Variants in DCUN1D3 observed in about 807,000 individuals in gnomAD.
DCUN1D3 encodes defective in cullin neddylation 1 domain containing 3, also known as DCN1-like protein 3.
In DCUN1D3, 6 loss-of-function variants were observed where a neutral mutation model predicts 24.8. That is an observed-to-expected ratio of 0.24 (90% CI 0.13 to 0.48). The LOEUF (loss-of-function observed/expected upper bound fraction) is 0.48, where lower values mean the gene tolerates loss of function less well. DCUN1D3 is among the 20% of genes least tolerant of loss of function. DCUN1D3 has a pLI of 0.99. For missense variants in DCUN1D3, 258 were observed against 379.4 expected (o/e 0.68, Z 2.66); for synonymous variants, 120 against 144.9 (o/e 0.83, Z 1.24).
intron 1 of DCUN1D3, among the ~76,000 whole-genome samples, chr16:20,865,089 T>A (rs1312910262): frequency 1.3e-5 from 2 of 151,472 alleles, no homozygotes; most frequent in Non-Finnish European, 2.9e-5. Flanking sequence ...CAAACCCCCA[T>A]GACACATGTT....
At chr16:20,894,901 T>C (rs2081908560) in intron 1 of DCUN1D3, among the ~76,000 whole-genome samples, 1 of 152,226 alleles carries the variant, frequency 6.6e-6, no homozygotes, top group Non-Finnish European at 1.5e-5. Context: ...AATAAGAGTT[T>C]GAGCCACTTC....
At position 20,885,210 on chromosome 16, in the gene DCUN1D3, G is replaced by A. The variant is rs568328359; in HGVS notation, c.-106+14994C>T. Among the ~76,000 whole-genome samples, 9 of 152,000 alleles carry A rather than the reference G, an allele frequency of 5.9e-5. No homozygotes were observed. The East Asian group carries it at 1.5e-3, about 26-fold the overall frequency. On this transcript the variant is annotated intron_variant, in intron 1 of 2. Transcript: ENST00000324344. Reference sequence around the variant, plus strand: ...AGGATGGTCTCCATCTCTTTACCTCGTGATTCCGCCCGCCTCAGTCTCCCA... The same window carrying A: ...AGGATGGTCTCCATCTCTTTACCTCATGATTCCGCCCGCCTCAGTCTCCCA...
intron 1 of DCUN1D3, among the ~76,000 whole-genome samples, chr16:20,882,345 C>T (rs1380902013): frequency 2.0e-5 from 3 of 151,812 alleles, no homozygotes; most frequent in South Asian, 2.1e-4. Context: ...CTCCACCTCC[C>T]GGGTTCAAGC....
intron 1 of DCUN1D3, among the ~76,000 whole-genome samples, chr16:20,889,937 G>C (rs891156408): frequency 6.6e-6 from 1 of 152,094 alleles, no homozygotes; most frequent in African/African-American, 2.4e-5. Context: ...AATCACCAAT[G>C]GTCAATGATC....
Position 20,860,313 on chromosome 16 carries a change from C to G in DCUN1D3, c.488G>C (p.Cys163Ser), listed in dbSNP as rs770510257. 3.1e-6 allele frequency: 5 copies of G among 1,614,180 alleles called. No individual in the cohort carries two copies. In the South Asian group the frequency reaches 3.3e-5, roughly 11 times the overall value. The change falls in exon 3 of 3, where the codon TGT becomes TCT. Residue 163 changes from cysteine to serine, a missense_variant. By Grantham distance (112) the Cys-to-Ser change is moderately radical (BLOSUM62 -1). Coordinates refer to ENST00000324344, the MANE Select transcript of DCUN1D3 (RefSeq NM_173475.4). This position sits in a 1 kb window ranked among gnomAD's most constrained non-coding sequence, Gnocchi z 4.3. ...TGTTAAGAGGCTAGGGAACCGTGCA[C>G]AGATTCCGTCAATGCTGTCTGCACT... is the stretch of plus-strand genomic sequence containing the variant. Reference protein sequence around the residue: ...AISADSIDGICARFPSLLTEA... With the variant: ...AISADSIDGISARFPSLLTEA...
chr16:20,859,584 A>C lies in DCUN1D3; in HGVS notation c.*302T>G. On this transcript the variant is annotated 3_prime_UTR_variant, in exon 3 of 3. Coordinates refer to ENST00000324344, the MANE Select transcript of DCUN1D3 (RefSeq NM_173475.4). ...ACAAAAAAAAACAAAAAAAAAACCT[A>C]AATTTGTGCAAGAAATGGCAGGCTT... The C allele has an allele frequency of 3.8e-6, 1 of 261,924 alleles. No homozygotes were observed. The highest frequency in any genetic ancestry group is 7.0e-6 in the Non-Finnish European group (1 of 142,258). 16.2% of individuals were successfully genotyped at this position (261,924 alleles called of 1,614,324 possible).
chr16:20,877,571 G>A (rs980368727), intron 1 of DCUN1D3, among the ~76,000 whole-genome samples: 4 of 152,182 alleles, frequency 2.6e-5, no homozygotes, highest in Non-Finnish European at 5.9e-5. Context: ...CACTGATACT[G>A]AGCACATGCT....
intron 1 of DCUN1D3, among the ~76,000 whole-genome samples, chr16:20,877,002 G>C (rs1365278205): frequency 6.6e-6 from 1 of 152,136 alleles, no homozygotes; most frequent in Non-Finnish European, 1.5e-5. Flanking sequence ...GGTACAAACA[G>C]AAGTAAGACC....
At chr16:20,861,344 C>T (rs1259936009) in intron 2 of DCUN1D3, among the ~76,000 whole-genome samples, 1 of 150,868 alleles carries the variant, frequency 6.6e-6, no homozygotes, top group Non-Finnish European at 1.5e-5. Flanking sequence ...CCCAGAGGCA[C>T]TTACCATATT....
intron 1 of DCUN1D3, among the ~76,000 whole-genome samples, chr16:20,899,136 C>T (rs2081940840): frequency 6.6e-6 from 1 of 152,136 alleles, no homozygotes; most frequent in South Asian, 2.1e-4. Flanking sequence ...CATAAAAGAG[C>T]TATTGTCCAA....
intron 1 of DCUN1D3, among the ~76,000 whole-genome samples, chr16:20,889,481 C>T (rs369259860): frequency 6.6e-6 from 1 of 152,070 alleles, no homozygotes; most frequent in East Asian, 1.9e-4. Flanking sequence ...TTCAAGAATA[C>T]TGACTATTCT....
In DCUN1D3 at chr16:20,881,843, C is replaced by T. The variant is rs142328571; in HGVS notation, c.-106+18361G>A. Among the ~76,000 whole-genome samples, 1,176 of 152,252 alleles carry T rather than the reference C, an allele frequency of 7.7e-3. 8 individuals carry two copies. Among genetic ancestry groups the T allele is most frequent in the African/African-American group, 0.027 (1,142 of 41,534 alleles). ...TTTGAGACAGAATCTCACTCTGTCA[C>T]GCGTGCTGGAGTGCAGTGGTACAAT... On this transcript the variant is annotated intron_variant, in intron 1 of 2. Coordinates refer to ENST00000324344, the MANE Select transcript of DCUN1D3 (RefSeq NM_173475.4).
chr16:20,887,403 CAT>C (rs770374541), intron 1 of DCUN1D3, among the ~76,000 whole-genome samples: 103 of 152,350 alleles, frequency 6.8e-4, no homozygotes, highest in African/African-American at 1.6e-3. Flanking sequence ...TAAAAAAACA[CAT>C]GAGTATTCAT....
At chr16:20,898,877 AG>A (rs2152519842) in intron 1 of DCUN1D3, among the ~76,000 whole-genome samples, 1 of 152,362 alleles carries the variant, frequency 6.6e-6, no homozygotes, top group Admixed American at 6.5e-5. Flanking sequence ...CTGAGAGGCT[AG>A]AAGAGTGCTC....
intron 1 of DCUN1D3, among the ~76,000 whole-genome samples, 184 bp from the exon 2 acceptor site, chr16:20,862,827 G>C (rs889242247): frequency 3.9e-5 from 6 of 152,292 alleles, no homozygotes; most frequent in Admixed American, 1.3e-4. Context: ...CGACGCAGAG[G>C]CTGGGGCACA....
At chr16:20,863,574 T>C (rs1387789786) in intron 1 of DCUN1D3, among the ~76,000 whole-genome samples, 1 of 152,026 alleles carries the variant, frequency 6.6e-6, no homozygotes, top group Admixed American at 6.5e-5. Flanking sequence ...CAAGACCCTG[T>C]CTCTACGAAA....
chr16:20,883,151 T>C (rs995761980), intron 1 of DCUN1D3, among the ~76,000 whole-genome samples: 16 of 152,136 alleles, frequency 1.1e-4, no homozygotes, highest in Non-Finnish European at 2.2e-4. Flanking sequence ...GATCAAAAGT[T>C]CTAAATTTTG....
At chr16:20,885,549 TAA>T (rs71149189) in intron 1 of DCUN1D3, among the ~76,000 whole-genome samples, 2 of 144,068 alleles carry the variant, frequency 1.4e-5, no homozygotes, top group Non-Finnish European at 1.5e-5. Context: ...ATTAAGGCTT[TAA>T]AAAAAAAAAA....
At chr16:20,898,653 AG>A (rs2081932449) in intron 1 of DCUN1D3, among the ~76,000 whole-genome samples, 1 of 152,240 alleles carries the variant, frequency 6.6e-6, no homozygotes, top group African/African-American at 2.4e-5. Flanking sequence ...AGCCCTGAAT[AG>A]GACTTCCTAG....
Sources: gnomAD v4.1 joint callset for allele counts (sites outside exome capture counted in the v4.1 genomes callset) on GRCh38, gnomAD v4.1.1 for gene constraint, Gnocchi (gnomAD v3.1) non-coding constraint, MANE v1.5 for transcripts, NCBI Gene and HGNC (gene_info 2026-07-23, HGNC 2026-07-21) for gene names.